The following USP9Y variants were observed in gnomAD, a reference collection of about 807,000 sequenced individuals.
USP9Y encodes the protein ubiquitin carboxyl-terminal hydrolase 9Y.
USP9Y carries 41 observed loss-of-function variants against 53.1 expected under a neutral mutation model. That is an observed-to-expected ratio of 0.77 (90% confidence interval 0.60 to 1.00). The LOEUF (loss-of-function observed/expected upper bound fraction) is 1.00, where lower values mean the gene tolerates loss of function less well. Ranked by LOEUF, USP9Y falls within the 50% of genes least tolerant of loss-of-function variation. The probability of loss-of-function intolerance (pLI) is 0.00; values close to 1 mark genes in which losing one functional copy is unlikely to be tolerated. For missense variants in USP9Y, 567 were observed against 535.8 expected (o/e 1.06, Z -0.58); for synonymous variants, 220 against 173.7 (o/e 1.27, Z -2.09).
At chrY:12,855,909 A>G in intron 42 of USP9Y, among the ~76,000 whole-genome samples, 1 of 31,730 alleles carries the variant, frequency 3.2e-5, no homozygotes, top group Non-Finnish European at 7.6e-5. Context: ...AACTACAATC[A>G]TGCCACTGCA....
At chrY:12,825,318 A>C in intron 33 of USP9Y, among the ~76,000 whole-genome samples, 1 of 33,295 alleles carries the variant, frequency 3.0e-5, no homozygotes, top group Non-Finnish European at 7.4e-5. Context: ...TGTGGTATAT[A>C]CACATATATT....
chrY:12,769,777 AGTGT>A (rs34777653), intron 15 of USP9Y, among the ~76,000 whole-genome samples: 5 of 29,719 alleles, frequency 1.7e-4, no homozygotes, highest in Non-Finnish European at 4.1e-4. Flanking sequence ...CTTTTGAATA[AGTGT>A]GTGTGTGTGT....
intron 12 of USP9Y, among the ~76,000 whole-genome samples, chrY:12,747,149 C>T: frequency 3.0e-5 from 1 of 33,844 alleles, no homozygotes. Flanking sequence ...AATTAGAACT[C>T]TTTTTATAGA....
intron 33 of USP9Y, among the ~76,000 whole-genome samples, chrY:12,828,270 A>T: frequency 3.0e-5 from 1 of 33,766 alleles, no homozygotes; most frequent in Non-Finnish European, 7.4e-5. Flanking sequence ...AAAAATACTG[A>T]AACTACAGAC....
intron 41 of USP9Y, 23 bp from the exon 42 acceptor site, chrY:12,847,216 C>T: frequency 2.6e-6 from 1 of 381,693 alleles, no homozygotes; most frequent in Non-Finnish European, 3.7e-6. Context: ...ATACATAATT[C>T]ACTATCTCTT....
intron 18 of USP9Y, 107 bp downstream of exon 18, chrY:12,775,673 A>G: frequency 5.4e-6 from 1 of 185,588 alleles, no homozygotes. Context: ...ACTCTTGTCA[A>G]AAATATTTTT....
chrY:12,729,647 G>A (rs2053445734), intron 7 of USP9Y, among the ~76,000 whole-genome samples: 2 of 32,047 alleles, frequency 6.2e-5, no homozygotes, highest in South Asian at 1.4e-3. Flanking sequence ...TGACCATGTC[G>A]GCCAGGTTGG....
intron 3 of USP9Y, among the ~76,000 whole-genome samples, chrY:12,712,749 C>T (rs2053425999): frequency 3.1e-5 from 1 of 32,652 alleles, no homozygotes; most frequent in Non-Finnish European, 7.5e-5. Flanking sequence ...ATTTTTTCTG[C>T]CTTTTGTGGT....
intron 19 of USP9Y, 84 bp from the exon 20 acceptor site, chrY:12,777,935 A>G: frequency 4.4e-6 from 1 of 227,292 alleles, no homozygotes. Flanking sequence ...TTAAATTTTC[A>G]GGGTTTTTTT....
chrY:12,816,205 C>T lies in USP9Y; in HGVS notation c.4691C>T (p.Ala1564Val). 1 of 398,777 alleles carries T rather than the reference C, an allele frequency of 2.5e-6. No homozygotes were observed. Among genetic ancestry groups the T allele is most frequent in the Non-Finnish European group, 3.5e-6 (1 of 283,527 alleles). The change falls in exon 32 of 46, where the codon GCT (alanine) becomes GTT (valine). Residue 1564 changes from alanine to valine, a missense_variant. By Grantham distance (64) the Ala-to-Val change is moderately conservative. Coordinates refer to ENST00000338981, the MANE Select transcript of USP9Y (RefSeq NM_004654.4). ...AAAGGATTTGTGGGACTCAAAAATG[C>T]TGGTGCTACGTGTTACATGAACTCT... ...PPKGFVGLKN[A>V]GATCYMNSVI...
chrY:12,824,765 A>G (rs2053544668), intron 33 of USP9Y, among the ~76,000 whole-genome samples: 2 of 33,828 alleles, frequency 5.9e-5, no homozygotes, highest in African/African-American at 2.3e-4. Context: ...ACAGATAATA[A>G]CAGCCAGGAT....
In USP9Y at chrY:12,859,301, C is replaced by T; in HGVS notation, c.7553C>T (p.Pro2518Leu). 1 of 398,021 alleles carries T rather than the reference C, an allele frequency of 2.5e-6. No individual in the cohort carries two copies. Among genetic ancestry groups the T allele is most frequent in the Non-Finnish European group, 3.5e-6 (1 of 283,133 alleles). Residue 2518 changes from proline (P) to leucine (L), a missense_variant, in exon 46 of 46, where the codon CCA becomes CTA. Coordinates refer to ENST00000338981, the MANE Select transcript of USP9Y (RefSeq NM_004654.4). The stretch of plus-strand genomic sequence containing the variant: ...TAGAATAATCATGTACATGGACAGC[C>T]ATATACAGGACCAGCAGCACATCAC... ...YQQNNHVHGQPYTGPAAHHLN... is the reference protein window; with the variant it reads ...YQQNNHVHGQLYTGPAAHHLN...
At chrY:12,812,331 CAG>C (rs2053531789) in intron 30 of USP9Y, among the ~76,000 whole-genome samples, 1 of 33,602 alleles carries the variant, frequency 3.0e-5, no homozygotes, top group South Asian at 6.6e-4. Context: ...AATTACAAAT[CAG>C]AGTTACAATA....
intron 42 of USP9Y, among the ~76,000 whole-genome samples, chrY:12,854,778 T>C: frequency 5.9e-5 from 2 of 34,135 alleles, no homozygotes; most frequent in Non-Finnish European, 1.5e-4. Flanking sequence ...GAAGTGATTT[T>C]AGTAAAGGTA....
chrY:12,786,245 A>G lies in USP9Y; in HGVS notation c.3194A>G (p.His1065Arg), dbSNP rs774751671. Residue 1065 changes from histidine (H) to arginine (R), a missense_variant, in exon 23 of 46, where the codon CAT becomes CGT. Physicochemically the swap from His to Arg is conservative, Grantham distance 29. Transcript: ENST00000338981. ...VEKLRAVCLDHAKLGEGKLSP... is the reference protein window; with the variant it reads ...VEKLRAVCLDRAKLGEGKLSP... ...AAATTACGAGCTGTTTGTTTGGACC[A>G]TGCAAAACTTGGAGAAGGCAAACTT... 3 of 396,698 alleles carry G rather than the reference A, an allele frequency of 7.6e-6. No individual in the cohort carries two copies. In the African/African-American group the frequency reaches 1.9e-4, roughly 25 times the overall value.
At chrY:12,834,568 A>C in intron 34 of USP9Y, among the ~76,000 whole-genome samples, 1 of 33,358 alleles carries the variant, frequency 3.0e-5, no homozygotes, top group Non-Finnish European at 7.4e-5. Flanking sequence ...CCTGTTATCT[A>C]CTTAGTTGCT....
chrY:12,720,268 G>A (rs2053434413), intron 3 of USP9Y, among the ~76,000 whole-genome samples: 2 of 31,848 alleles, frequency 6.3e-5, no homozygotes, highest in Non-Finnish European at 1.5e-4. Context: ...GTGTGGTGGC[G>A]GGTGCCTGTA....
chrY:12,772,764 GAAAAAAAAAAA>G (rs2053487102), intron 16 of USP9Y, among the ~76,000 whole-genome samples: 6 of 3,155 alleles, frequency 1.9e-3, no homozygotes, highest in African/African-American at 6.4e-3. Flanking sequence ...GAGTCTGTCT[GAAAAAAAAAAA>G]AAAAAAAAAA....
chrY:12,781,944 G>A, intron 22 of USP9Y, among the ~76,000 whole-genome samples: 1 of 33,497 alleles, frequency 3.0e-5, no homozygotes, highest in African/African-American at 1.2e-4. Flanking sequence ...CATCTAGAAG[G>A]GAAAATACTT....
Sources: gnomAD v4.1 joint callset for allele counts (sites outside exome capture counted in the v4.1 genomes callset) on GRCh38, gnomAD v4.1.1 for gene constraint, MANE v1.5 for transcripts, NCBI Gene and HGNC (gene_info 2026-07-23, HGNC 2026-07-21) for gene names.